The following OPCML variants were observed in gnomAD, a reference collection of about 807,000 sequenced individuals.
OPCML encodes the protein opioid-binding protein/cell adhesion molecule.
A neutral mutation model predicts 37.8 loss-of-function variants in OPCML; 13 were observed. That is an observed-to-expected ratio of 0.34 (90% CI 0.22 to 0.55). The LOEUF (loss-of-function observed/expected upper bound fraction) is 0.55. Ranked by LOEUF, OPCML falls within the 20% of genes least tolerant of loss-of-function variation. The pLI is 0.91. For missense variants in OPCML, 341 were observed against 435.6 expected, an observed-to-expected ratio of 0.78 and a Z score of 1.93; for synonymous variants, 176 against 168.8, an observed-to-expected ratio of 1.04 and a Z score of -0.33.
intron 1 of OPCML, among the ~76,000 whole-genome samples, chr11:133,094,701 C>G (rs10791280): frequency 0.45 from 68,142 of 151,870 alleles, 17,447 homozygotes; most frequent in Admixed American, 0.57. Flanking sequence ...GAAAAGCAGT[C>G]ACAACTTATT....
intron 2 of OPCML, among the ~76,000 whole-genome samples, chr11:132,814,628 T>C (rs2062752152): frequency 6.6e-6 from 1 of 152,218 alleles, no homozygotes; most frequent in African/African-American, 2.4e-5. Flanking sequence ...CCAATTCAAA[T>C]GCTAATCTCA....
intron 2 of OPCML, among the ~76,000 whole-genome samples, chr11:132,732,806 T>C (rs1366917167): frequency 7.5e-6 from 1 of 133,856 alleles, no homozygotes; most frequent in Non-Finnish European, 1.5e-5. Context: ...GGTTGAAATA[T>C]GTCCATTGAA....
chr11:132,747,909 C>A (rs1945691760), intron 2 of OPCML, among the ~76,000 whole-genome samples: 3 of 152,112 alleles, frequency 2.0e-5, no homozygotes, highest in Non-Finnish European at 4.4e-5. Flanking sequence ...TCAAGCCATC[C>A]TCCTGCCTCA....
intron 4 of OPCML, among the ~76,000 whole-genome samples, chr11:132,503,642 T>A (rs192378684): frequency 6.6e-6 from 1 of 152,172 alleles, no homozygotes; most frequent in Non-Finnish European, 1.5e-5. Context: ...ATAAGTGAGA[T>A]CTTGAAAATA....
At chr11:132,494,619 A>G (rs2096225598) in intron 4 of OPCML, among the ~76,000 whole-genome samples, 4 of 152,042 alleles carry the variant, frequency 2.6e-5, no homozygotes, top group Admixed American at 2.6e-4. Flanking sequence ...CATCAGAAGG[A>G]AAAAAAAGAA....
At chr11:133,225,999 A>T (rs1940020779) in intron 1 of OPCML, among the ~76,000 whole-genome samples, 1 of 152,236 alleles carries the variant, frequency 6.6e-6, no homozygotes, top group South Asian at 2.1e-4. Flanking sequence ...TTTATAGATG[A>T]GGGAACTGTA....
intron 1 of OPCML, among the ~76,000 whole-genome samples, chr11:133,305,887 T>C (rs1942901922): frequency 6.6e-6 from 1 of 152,170 alleles, no homozygotes; most frequent in Non-Finnish European, 1.5e-5. Context: ...GAAATAAATA[T>C]GGGGTCAAAC....
intron 2 of OPCML, among the ~76,000 whole-genome samples, chr11:132,700,635 G>A (rs1382832578): frequency 6.6e-6 from 1 of 152,094 alleles, no homozygotes; most frequent in Non-Finnish European, 1.5e-5. Flanking sequence ...CACCATTGTG[G>A]TCAGAAGAGG....
At chr11:133,518,297 T>G (rs1213293630) in intron 1 of OPCML, among the ~76,000 whole-genome samples, 1 of 147,184 alleles carries the variant, frequency 6.8e-6, no homozygotes, top group Admixed American at 6.7e-5. Flanking sequence ...TATGTATGTG[T>G]GTAATGTGTA....
At chr11:133,366,256 T>C (rs1944537599) in intron 1 of OPCML, among the ~76,000 whole-genome samples, 1 of 152,220 alleles carries the variant, frequency 6.6e-6, no homozygotes, top group South Asian at 2.1e-4. Context: ...GAGAGTCTGA[T>C]GATCCCGTGA....
Position 133,419,442 on chromosome 11 carries a change from A to G in OPCML, c.61+112822T>C, listed in dbSNP as rs892541931. 4 of 530,000 alleles carry G rather than the reference A, an allele frequency of 7.5e-6. No individual in the cohort carries two copies. In the African/African-American group the frequency reaches 8.3e-5, roughly 11 times the overall value. The allele number at this position is 530,000 out of a possible 1,614,324, so 32.8% of individuals were successfully genotyped here. ...CCAATTACTAAATACAACCACTAAT[A>G]AAAGTTGAGTTATATAAACTTTTGA... is the stretch of plus-strand genomic sequence containing the variant. On this transcript the variant is annotated intron_variant, in intron 1 of 7. Coordinates refer to ENST00000524381, the MANE Select transcript of OPCML (RefSeq NM_001012393.5).
intron 2 of OPCML, among the ~76,000 whole-genome samples, chr11:132,877,875 A>G (rs1034723132): frequency 6.6e-6 from 1 of 152,238 alleles, no homozygotes; most frequent in Non-Finnish European, 1.5e-5. Flanking sequence ...AACATTGCCT[A>G]GAAGCTTGTT....
chr11:133,143,258 C>T lies in OPCML; in HGVS notation c.62-200248G>A, dbSNP rs190569295. On this transcript the variant is annotated intron_variant, in intron 1 of 7. Transcript: ENST00000524381. ...GGTCTGTCTCTCCTTCTAAGGCACACAGAAACTACCTTCACAACTCCCTTC... is the reference window on the plus strand; with the variant it reads ...GGTCTGTCTCTCCTTCTAAGGCACATAGAAACTACCTTCACAACTCCCTTC... Among the ~76,000 whole-genome samples the T allele has an allele frequency of 2.7e-3, 416 of 152,304 alleles. 1 individual carries two copies. The highest frequency in any genetic ancestry group is 4.5e-3 in the Non-Finnish European group (306 of 68,022).
At chr11:132,728,214 T>C (rs1944954673) in intron 2 of OPCML, among the ~76,000 whole-genome samples, 1 of 152,128 alleles carries the variant, frequency 6.6e-6, no homozygotes, top group East Asian at 1.9e-4. Flanking sequence ...CAGGCTCCTG[T>C]AGCCCCAGGC....
intron 2 of OPCML, among the ~76,000 whole-genome samples, chr11:132,667,938 G>A (rs906153697): frequency 6.6e-6 from 1 of 152,352 alleles, no homozygotes; most frequent in East Asian, 1.9e-4. Context: ...CATAGAGAAT[G>A]TAGATGATGG....
At chr11:132,484,739 T>TA (rs1225033067) in intron 4 of OPCML, among the ~76,000 whole-genome samples, 1 of 152,066 alleles carries the variant, frequency 6.6e-6, no homozygotes, top group African/African-American at 2.4e-5. Context: ...TATGCAGCCA[T>TA]AAAAAATGAT....
intron 1 of OPCML, among the ~76,000 whole-genome samples, chr11:133,409,671 AG>A (rs1945603054): frequency 1.3e-5 from 2 of 152,218 alleles, no homozygotes; most frequent in Non-Finnish European, 2.9e-5. Flanking sequence ...AGATACTAGT[AG>A]GTCTGATGTC....
chr11:132,567,089 A>C, intron 3 of OPCML, among the ~76,000 whole-genome samples: 1 of 152,152 alleles, frequency 6.6e-6, no homozygotes, highest in Non-Finnish European at 1.5e-5. Context: ...GAGTGGCCTC[A>C]ATCATGCATT....
chr11:133,187,474 C>A (rs1204762481), intron 1 of OPCML, among the ~76,000 whole-genome samples: 1 of 152,244 alleles, frequency 6.6e-6, no homozygotes, highest in Non-Finnish European at 1.5e-5. Flanking sequence ...CTCTCTACCC[C>A]AAATGTGGAT....
Sources: allele counts gnomAD v4.1 joint callset (sites outside exome capture counted in the v4.1 genomes callset), GRCh38; gene constraint gnomAD v4.1.1; transcripts MANE v1.5; gene names NCBI Gene and HGNC (gene_info 2026-07-23, HGNC 2026-07-21).